Variants in CTSC observed in about 807,000 individuals in gnomAD.
The protein encoded by CTSC is dipeptidyl peptidase 1.
In CTSC, 37 loss-of-function variants were observed where a neutral mutation model predicts 40.9. The ratio of observed to expected loss-of-function variants is 0.91; its 90% CI spans 0.70 to 1.19. The LOEUF (loss-of-function observed/expected upper bound fraction) is 1.19, where lower values mean the gene tolerates loss of function less well. Among genes scored for constraint, CTSC ranks in the 50% most tolerant of loss-of-function variants. The probability of loss-of-function intolerance (pLI) is 0.00; values close to 1 mark genes in which losing one functional copy is unlikely to be tolerated. For synonymous variants in CTSC, 232 were observed against 207.4 expected, an observed-to-expected ratio of 1.12 and a Z score of -1.02; for missense variants, 594 against 567.3, an observed-to-expected ratio of 1.05 and a Z score of -0.48.
intron 4 of CTSC, among the ~76,000 whole-genome samples, chr11:88,304,749 G>C (rs1937615634): frequency 6.6e-6 from 1 of 152,198 alleles, no homozygotes; most frequent in South Asian, 2.1e-4. Context: ...GGCGATGAGA[G>C]TGACCTCTGG....
chr11:88,324,848 T>C, intron 2 of CTSC: 2 of 985,288 alleles, frequency 2.0e-6, no homozygotes, highest in Non-Finnish European at 2.4e-6. Context: ...TAGATAAAAG[T>C]TTCCAGGTGG....
In CTSC at chr11:88,326,114, A is replaced by G. The variant is rs1430159239; in HGVS notation, c.318+8823T>C. ...TGTATATTGTTCCTTTTATTAAAAA[A>G]CTGAACGGTGAAGCCACCCAAGATT... On this transcript the variant is annotated intron_variant, in intron 2 of 6. Coordinates refer to ENST00000227266, the MANE Select transcript of CTSC (RefSeq NM_001814.6). 7.7e-6 allele frequency: 10 copies of G among 1,293,936 alleles called. No individual in the cohort carries two copies. The East Asian group carries it at 2.5e-4, about 33-fold the overall frequency. The allele number at this position is 1,293,936 out of a possible 1,614,324, so 80.2% of individuals were successfully genotyped here.
chr11:88,301,808 G>GCA (rs796959607), intron 4 of CTSC, among the ~76,000 whole-genome samples: 24,726 of 119,180 alleles, frequency 0.21, 3,193 homozygotes, highest in East Asian at 0.49. Flanking sequence ...AAACACACGC[G>GCA]CGCACACACA....
At chr11:88,337,298 T>C (rs1025964297) in intron 1 of CTSC, among the ~76,000 whole-genome samples, 1 of 152,180 alleles carries the variant, frequency 6.6e-6, no homozygotes, top group African/African-American at 2.4e-5. Context: ...CAAGAAAGTG[T>C]GGAGTTAGAA....
chr11:88,312,308 T>C (rs1565256237), intron 3 of CTSC, 80 bp downstream of exon 3: 1 of 1,424,334 alleles, frequency 7.0e-7, no homozygotes, highest in Admixed American at 1.7e-5. Context: ...ATAATCAAAC[T>C]AAAATTCCAA....
chr11:88,294,768 T>C (rs538654166), intron 6 of CTSC, among the ~76,000 whole-genome samples: 10 of 152,356 alleles, frequency 6.6e-5, no homozygotes, highest in African/African-American at 2.2e-4. Flanking sequence ...CTGAAGCCTA[T>C]ATAGGTTTAA....
intron 2 of CTSC, among the ~76,000 whole-genome samples, chr11:88,315,285 A>G (rs560299233): frequency 2.0e-4 from 31 of 152,180 alleles, no homozygotes; most frequent in Non-Finnish European, 3.1e-4. Context: ...CTTTATAGAT[A>G]TTGACACACA....
intron 2 of CTSC, chr11:88,322,363 G>T (rs1014954678): frequency 1.3e-5 from 2 of 152,048 alleles, no homozygotes; most frequent in Non-Finnish European, 2.9e-5. Flanking sequence ...CTATTCCAGG[G>T]TTTTATAATT....
intron 2 of CTSC, chr11:88,322,462 T>C (rs1298083948): frequency 2.6e-5 from 4 of 152,224 alleles, no homozygotes; most frequent in South Asian, 2.1e-4. Flanking sequence ...TTTCTGCATA[T>C]GGCTAGCCAG....
At chr11:88,311,615 C>A (rs1343105899) in intron 3 of CTSC, among the ~76,000 whole-genome samples, 1 of 152,090 alleles carries the variant, frequency 6.6e-6, no homozygotes, top group African/African-American at 2.4e-5. Flanking sequence ...TGAATTGTGT[C>A]CCCCTCAAAA....
chr11:88,335,587 G>C (rs898481434), intron 1 of CTSC, among the ~76,000 whole-genome samples: 3 of 152,060 alleles, frequency 2.0e-5, no homozygotes, highest in Non-Finnish European at 4.4e-5. Flanking sequence ...TCTCAAAAAA[G>C]AGAGATATGC....
intron 2 of CTSC, among the ~76,000 whole-genome samples, chr11:88,333,796 A>G (rs1170317300): frequency 6.6e-6 from 1 of 152,244 alleles, no homozygotes; most frequent in Non-Finnish European, 1.5e-5. Flanking sequence ...GTGGCCATCA[A>G]CAGCTAGCAT....
At chr11:88,331,064 G>A (rs906134162) in intron 2 of CTSC, among the ~76,000 whole-genome samples, 9 of 152,180 alleles carry the variant, frequency 5.9e-5, no homozygotes, top group African/African-American at 1.7e-4. Flanking sequence ...ACTACTCAAC[G>A]TGCTTTTTCC....
At chr11:88,330,363 T>G (rs184873197) in intron 2 of CTSC, among the ~76,000 whole-genome samples, 1 of 151,958 alleles carries the variant, frequency 6.6e-6, no homozygotes, top group East Asian at 1.9e-4. Context: ...CTTTCATTTT[T>G]TTATTATTAT....
chr11:88,331,520 A>C (rs1178529368), intron 2 of CTSC, among the ~76,000 whole-genome samples: 1 of 152,200 alleles, frequency 6.6e-6, no homozygotes, highest in Admixed American at 6.5e-5. Flanking sequence ...GTCCCTGCGG[A>C]GTTAGGGTGG....
chr11:88,327,391 A>C (rs1324567959), intron 2 of CTSC, among the ~76,000 whole-genome samples: 1 of 152,122 alleles, frequency 6.6e-6, no homozygotes, highest in Non-Finnish European at 1.5e-5. Context: ...CAGAGGAAGG[A>C]AAAGGGGAAA....
intron 4 of CTSC, among the ~76,000 whole-genome samples, chr11:88,304,454 G>C (rs1473371787): frequency 5.9e-5 from 9 of 152,120 alleles, no homozygotes; most frequent in Admixed American, 5.9e-4. Flanking sequence ...CATCCTATAA[G>C]GCAGAGATTT....
intron 3 of CTSC, among the ~76,000 whole-genome samples, chr11:88,311,814 C>G (rs1937763783): frequency 6.6e-6 from 1 of 152,196 alleles, no homozygotes; most frequent in Non-Finnish European, 1.5e-5. Flanking sequence ...AGTAAGCAAG[C>G]AGACATCTGC....
intron 5 of CTSC, 49 bp from the exon 6 acceptor site, chr11:88,296,313 C>T (rs1944298513): frequency 6.2e-7 from 1 of 1,609,980 alleles, no homozygotes; most frequent in Non-Finnish European, 8.5e-7. Context: ...TGAAGCCTCA[C>T]AGAGAATCAT....
Sources: allele counts gnomAD v4.1 joint callset (sites outside exome capture counted in the v4.1 genomes callset), GRCh38; gene constraint gnomAD v4.1.1; transcripts MANE v1.5; gene names NCBI Gene and HGNC (gene_info 2026-07-23, HGNC 2026-07-21).